The following SPTBN1 variants were observed in gnomAD, a reference collection of about 807,000 sequenced individuals.
SPTBN1 encodes the protein spectrin beta, non-erythrocytic 1, also known as spectrin beta chain, non-erythrocytic 1.
In SPTBN1, 32 loss-of-function variants were observed where a neutral mutation model predicts 266.4. The ratio of observed to expected loss-of-function variants is 0.12; its 90% confidence interval spans 0.09 to 0.16. The LOEUF (loss-of-function observed/expected upper bound fraction) is 0.16, where lower values mean the gene tolerates loss of function less well. Ranked by LOEUF, SPTBN1 falls within the 10% of genes least tolerant of loss-of-function variation. SPTBN1 has a pLI of 1.00. For missense variants in SPTBN1, 2,296 were observed against 3,067.1 expected, an observed-to-expected ratio of 0.75 and a Z score of 5.94; for synonymous variants, 1,336 against 1,162.2, an observed-to-expected ratio of 1.15 and a Z score of -3.04.
chr2:54,468,142 A>G (rs1283129121), intron 1 of SPTBN1, among the ~76,000 whole-genome samples: 2 of 151,952 alleles, frequency 1.3e-5, no homozygotes, highest in Non-Finnish European at 2.9e-5. Context: ...CTTTGTCTCT[A>G]CTAAAAATGC....
intron 4 of SPTBN1, among the ~76,000 whole-genome samples, chr2:54,613,064 G>T (rs1040027706): frequency 1.3e-5 from 2 of 152,202 alleles, no homozygotes; most frequent in Admixed American, 1.3e-4. Context: ...TATAGTGGGT[G>T]CCTCTGACCC....
chr2:54,497,535 A>C (rs145791836), intron 1 of SPTBN1, among the ~76,000 whole-genome samples: 16 of 152,282 alleles, frequency 1.1e-4, no homozygotes, highest in African/African-American at 3.1e-4. Context: ...TTGAATTCAC[A>C]TGTTACTGAA....
chr2:54,506,474 T>TA (rs1483636236), intron 1 of SPTBN1, among the ~76,000 whole-genome samples: 1 of 152,118 alleles, frequency 6.6e-6, no homozygotes, highest in Non-Finnish European at 1.5e-5. Flanking sequence ...TTTTTCTACT[T>TA]ATAGTTTACA....
chr2:54,557,793 G>C lies in SPTBN1; in HGVS notation c.148+31227G>C, dbSNP rs13391762. 0.011 allele frequency: 10,470 copies of C among 985,322 alleles called. 655 individuals are homozygous for C. In the African/African-American group the frequency reaches 0.15, roughly 14 times the overall value. The allele number at this position is 985,322 out of a possible 1,614,324, so 61.0% of individuals were successfully genotyped here. ...CGCCTTCATATCCCCTGATGGCAGC[G>C]TAAGTCAGCCGAGATTCTTCACTGA... is the stretch of plus-strand genomic sequence containing the variant. On this transcript the variant is annotated intron_variant, in intron 2 of 35. Coordinates refer to ENST00000356805, the MANE Select transcript of SPTBN1 (RefSeq NM_003128.3).
intron 1 of SPTBN1, among the ~76,000 whole-genome samples, 151 bp from the exon 2 acceptor site, chr2:54,526,221 G>C (rs1424576627): frequency 6.6e-6 from 1 of 152,214 alleles, no homozygotes; most frequent in Non-Finnish European, 1.5e-5. Context: ...TCTATTATGA[G>C]ACAGTGCTAA....
At chr2:54,639,240 G>C (rs996646247) in intron 18 of SPTBN1, among the ~76,000 whole-genome samples, 1 of 152,242 alleles carries the variant, frequency 6.6e-6, no homozygotes, top group African/African-American at 2.4e-5. Flanking sequence ...GTTGCCTAGT[G>C]TGCTGCGGTA....
intron 17 of SPTBN1, among the ~76,000 whole-genome samples, chr2:54,635,265 T>A (rs573727973): frequency 1.3e-5 from 2 of 152,382 alleles, no homozygotes; most frequent in African/African-American, 4.8e-5. Flanking sequence ...GAGAATTTCC[T>A]GAGTTTCACT....
At chr2:54,492,341 GT>G (rs780631106) in intron 1 of SPTBN1, among the ~76,000 whole-genome samples, 15 of 88,392 alleles carry the variant, frequency 1.7e-4, no homozygotes, top group South Asian at 1.5e-3. Context: ...GTCTGCAGTT[GT>G]TTTTTTGTTT....
intron 4 of SPTBN1, among the ~76,000 whole-genome samples, chr2:54,615,316 G>C (rs1297043101): frequency 1.3e-5 from 2 of 152,146 alleles, no homozygotes; most frequent in African/African-American, 2.4e-5. Flanking sequence ...GAGCAGCGAA[G>C]CTTAAAATGG....
chr2:54,668,210 A>G, intron 35 of SPTBN1, 141 bp from the exon 36 acceptor site: 3 of 715,750 alleles, frequency 4.2e-6, no homozygotes, highest in South Asian at 1.8e-5. Flanking sequence ...CTGATAAGGC[A>G]GAGGTGCATT....
intron 5 of SPTBN1, among the ~76,000 whole-genome samples, chr2:54,616,918 A>G (rs1295440361): frequency 1.8e-4 from 27 of 152,050 alleles, no homozygotes; most frequent in Non-Finnish European, 5.9e-5. Flanking sequence ...AACTCTAATG[A>G]ACATTAATTC....
chr2:54,505,678 C>G (rs1669515804), intron 1 of SPTBN1, among the ~76,000 whole-genome samples: 1 of 152,148 alleles, frequency 6.6e-6, no homozygotes, highest in East Asian at 1.9e-4. Context: ...TCTGGACACT[C>G]TTGGCTTGGT....
intron 1 of SPTBN1, among the ~76,000 whole-genome samples, chr2:54,481,421 TG>T (rs59984485): frequency 0.16 from 20,949 of 135,120 alleles, 1,534 homozygotes; most frequent in Middle Eastern, 0.17. Flanking sequence ...TGTGTGTGTG[TG>T]TGTGTGTGTG....
intron 2 of SPTBN1, among the ~76,000 whole-genome samples, chr2:54,597,866 C>CTTTTTT (rs531763576): frequency 1.2e-4 from 10 of 82,200 alleles, no homozygotes; most frequent in South Asian, 4.9e-4. Context: ...GAGCTATCTG[C>CTTTTTT]TTTTTTTTTT....
At chr2:54,571,459 G>A (rs4671961) in intron 2 of SPTBN1, among the ~76,000 whole-genome samples, 112,415 of 151,868 alleles carry the variant, frequency 0.74, 42,322 homozygotes, top group African/African-American at 0.88. Flanking sequence ...TTCCACATCC[G>A]GGGAATCTTC....
At chr2:54,652,974 T>G (rs1349596168) in intron 26 of SPTBN1, 1 of 152,210 alleles carries the variant, frequency 6.6e-6, no homozygotes, top group African/African-American at 2.4e-5. Context: ...AAGTGTACCA[T>G]TGGCTCCATT....
At chr2:54,567,726 C>T (rs1673760377) in intron 2 of SPTBN1, among the ~76,000 whole-genome samples, 1 of 152,152 alleles carries the variant, frequency 6.6e-6, no homozygotes, top group East Asian at 1.9e-4. Flanking sequence ...TATAAATATA[C>T]CTATTTACAT....
In SPTBN1 at chr2:54,624,916, C is replaced by T. The variant is rs779930939; in HGVS notation, c.1295C>T (p.Ala432Val). 1 of 1,613,228 alleles carries T rather than the reference C, an allele frequency of 6.2e-7. No individual in the cohort carries two copies. The highest frequency in any genetic ancestry group is 8.5e-7 in the Non-Finnish European group (1 of 1,179,586). Reference sequence around the variant, plus strand: ...GCCCGCAGATTTGATCGCAAGGCAGCTATGAGGGAGACTTGGCTGAGCGAA... The same window carrying T: ...GCCCGCAGATTTGATCGCAAGGCAGTTATGAGGGAGACTTGGCTGAGCGAA... ...QLARRFDRKA[A>V]MRETWLSENQ... Residue 432 changes from alanine (A) to valine (V), a missense_variant, in exon 11 of 36, where the codon GCT (alanine) becomes GTT (valine). Ala to Val is a moderately conservative substitution (Grantham distance 64, BLOSUM62 0). This residue lies in a region of SPTBN1 where 148 missense variants were observed against 203.8 expected (regional missense o/e 0.73). Transcript: ENST00000356805.
At chr2:54,507,353 G>A (rs1161783625) in intron 1 of SPTBN1, among the ~76,000 whole-genome samples, 1 of 151,916 alleles carries the variant, frequency 6.6e-6, no homozygotes, top group East Asian at 1.9e-4. Context: ...TTGGGGTGGG[G>A]AAAATTTTGG....
Sources: gnomAD v4.1 joint callset for allele counts (sites outside exome capture counted in the v4.1 genomes callset) on GRCh38, gnomAD v4.1.1 for gene constraint, gnomAD v4.1.1 regional missense constraint, MANE v1.5 for transcripts, NCBI Gene and HGNC (gene_info 2026-07-23, HGNC 2026-07-21) for gene names.